Variants in SH3BP4 observed in about 807,000 individuals in gnomAD.
SH3BP4 encodes SH3 domain-binding protein 4.
In SH3BP4, 33 loss-of-function variants were observed where a neutral mutation model predicts 65.5. The observed-to-expected ratio is 0.50, with a 90% CI of 0.38 to 0.67. SH3BP4 has a LOEUF of 0.67. Ranked by LOEUF, SH3BP4 falls within the 30% of genes least tolerant of loss-of-function variation. SH3BP4 has a pLI of 0.00. For missense variants in SH3BP4, 1,134 were observed against 1,261.4 expected (o/e 0.90, Z 1.53); for synonymous variants, 552 against 545.5 (o/e 1.01, Z -0.17).
In SH3BP4 at chr2:235,035,219, A is replaced by G. The variant is rs1390905328; in HGVS notation, c.118+99A>G. The G allele has an allele frequency of 1.2e-6, 1 of 856,448 alleles. No individual in the cohort carries two copies. The highest frequency in any genetic ancestry group is 2.4e-5 in the East Asian group (1 of 41,470). The allele number at this position is 856,448 out of a possible 1,614,324, so 53.1% of individuals were successfully genotyped here. On this transcript the variant is annotated intron_variant, in intron 3 of 5. Coordinates refer to ENST00000392011, the MANE Select transcript of SH3BP4 (RefSeq NM_014521.3). The surrounding 1 kb of genome is among the most constrained non-coding windows in gnomAD (Gnocchi z 5.0). The stretch of plus-strand genomic sequence containing the variant: ...CTGCTTTAAAGATTGCCAGTTTAGC[A>G]TTCAGATAGTTAAAGTTTAGTTCTT...
At chr2:235,037,833 A>C (rs1392797081) in intron 3 of SH3BP4, among the ~76,000 whole-genome samples, 1 of 152,120 alleles carries the variant, frequency 6.6e-6, no homozygotes, top group African/African-American at 2.4e-5. Context: ...CCACCTCTCC[A>C]TGAAAGCCAT....
intron 1 of SH3BP4, among the ~76,000 whole-genome samples, chr2:234,981,949 C>T (rs1353498665): frequency 6.6e-6 from 1 of 152,186 alleles, no homozygotes; most frequent in East Asian, 1.9e-4. Flanking sequence ...CCGTCCCCGC[C>T]TCCTTCCTGG....
In SH3BP4 at chr2:235,035,114, A is replaced by G. The variant is rs201156318; in HGVS notation, c.112A>G (p.Ile38Val). 1 of 1,609,670 alleles carries G rather than the reference A, an allele frequency of 6.2e-7. No homozygotes were observed. Among genetic ancestry groups the G allele is most frequent in the East Asian group, 2.2e-5 (1 of 44,860 alleles). The change falls in exon 3 of 6, where the codon ATC becomes GTC. Residue 38 changes from isoleucine (I) to valine (V), a missense_variant. Transcript: ENST00000392011. This position sits in a 1 kb window ranked among gnomAD's most constrained non-coding sequence, Gnocchi z 5.0. The stretch of plus-strand genomic sequence containing the variant: ...GTTTTCAGAGACGAGCTTTAATGAC[A>G]TCAAAGGTGAGCTTCTGGGGAACAG... ...EGFSETSFND[I>V]KVPSPSALLV...
intron 1 of SH3BP4, among the ~76,000 whole-genome samples, chr2:234,990,642 C>T (rs1014332992): frequency 6.6e-6 from 1 of 152,186 alleles, no homozygotes; most frequent in Admixed American, 6.5e-5. Flanking sequence ...GTGAAGAGTT[C>T]ACGGAGCATT....
At chr2:235,029,026 T>A (rs184190047) in intron 2 of SH3BP4, among the ~76,000 whole-genome samples, 90 of 152,238 alleles carry the variant, frequency 5.9e-4, no homozygotes, top group Non-Finnish European at 1.1e-3. Flanking sequence ...GTCTGGAGGG[T>A]GTCTGACTGA....
chr2:235,039,963 A>G (rs1337905962), intron 3 of SH3BP4, among the ~76,000 whole-genome samples: 1 of 152,242 alleles, frequency 6.6e-6, no homozygotes, highest in South Asian at 2.1e-4. Context: ...GGCCAGGCGC[A>G]GTGGCTCACA....
chr2:235,003,315 TG>T (rs2106285632), intron 2 of SH3BP4, among the ~76,000 whole-genome samples: 1 of 152,314 alleles, frequency 6.6e-6, no homozygotes, highest in South Asian at 2.1e-4. Context: ...CACCAGATTC[TG>T]GGGTGGACTT....
At position 234,989,631 on chromosome 2, in the gene SH3BP4, C is replaced by T. The variant is rs140811921; in HGVS notation, c.-206-5672C>T. Among the ~76,000 whole-genome samples, 365 of 152,300 alleles carry T rather than the reference C, an allele frequency of 2.4e-3. 4 individuals are homozygous for T. The highest frequency in any genetic ancestry group is 3.4e-3 in the Non-Finnish European group (231 of 68,028). On this transcript the variant is annotated intron_variant, in intron 1 of 5. Transcript: ENST00000392011. ...CCATAAGGTCTGTGTCACAGCTCCA[C>T]TGTTTTGGTTGCACAGAAGAGCTAT...
intron 1 of SH3BP4, among the ~76,000 whole-genome samples, chr2:234,969,633 G>A (rs963170812): frequency 1.2e-4 from 18 of 152,180 alleles, no homozygotes; most frequent in African/African-American, 3.9e-4. Context: ...ATAAGCCTCC[G>A]CTTTTCCACA....
At chr2:234,986,171 G>T (rs1305275952) in intron 1 of SH3BP4, among the ~76,000 whole-genome samples, 1 of 150,566 alleles carries the variant, frequency 6.6e-6, no homozygotes, top group Non-Finnish European at 1.5e-5. Context: ...AGAGACCATG[G>T]TGCAGGCGTT....
chr2:235,050,194 C>T (rs1359060396), intron 4 of SH3BP4, among the ~76,000 whole-genome samples: 1 of 152,080 alleles, frequency 6.6e-6, no homozygotes. Context: ...CAGCTCACTA[C>T]AAGCTCCGCC....
Position 235,030,834 on chromosome 2 carries a change from A to G in SH3BP4, c.-132-4037A>G, listed in dbSNP as rs1695161823. 6.6e-6 allele frequency among the ~76,000 whole-genome samples: 1 copy of G among 152,012 alleles called. No individual in the cohort carries two copies. The highest frequency in any genetic ancestry group is 6.6e-5 in the Admixed American group (1 of 15,264). ...CTCGGTGTGACTCCACCTGCTCAGG[A>G]AGGTTTTGGGAGTGGAGAGCCCTCT... On this transcript the variant is annotated intron_variant, in intron 2 of 5. Transcript: ENST00000392011. The surrounding 1 kb of genome is among the most constrained non-coding windows in gnomAD (Gnocchi z 4.1).
intron 1 of SH3BP4, among the ~76,000 whole-genome samples, chr2:234,987,357 A>G (rs748870722): frequency 2.0e-5 from 3 of 151,878 alleles, no homozygotes; most frequent in Admixed American, 6.5e-5. Context: ...CCCTGCCCTC[A>G]ACATGGTCTA....
intron 1 of SH3BP4, among the ~76,000 whole-genome samples, chr2:234,989,645 C>T (rs1288388935): frequency 2.0e-5 from 3 of 152,202 alleles, no homozygotes. Context: ...TTTGGTTGCA[C>T]AGAAGAGCTA....
At chr2:235,028,149 T>C (rs764008229) in intron 2 of SH3BP4, among the ~76,000 whole-genome samples, 2 of 152,208 alleles carry the variant, frequency 1.3e-5, no homozygotes, top group Non-Finnish European at 2.9e-5. Context: ...GAAAAACTTA[T>C]CAGTTATGAG....
At chr2:234,989,453 C>A (rs1693681471) in intron 1 of SH3BP4, among the ~76,000 whole-genome samples, 1 of 152,216 alleles carries the variant, frequency 6.6e-6, no homozygotes, top group Non-Finnish European at 1.5e-5. Flanking sequence ...TGGCATGCAG[C>A]CATGTACCCG....
Position 235,042,299 on chromosome 2 carries a change from A to C in SH3BP4, c.1530A>C (p.Thr510=), listed in dbSNP as rs540022713. 2 of 1,614,176 alleles carry C rather than the reference A, an allele frequency of 1.2e-6. No homozygotes were observed. Among genetic ancestry groups the C allele is most frequent in the South Asian group, 2.2e-5 (2 of 91,084 alleles). ...AGACGCTCCTGGTCAGCGAGGTCAC[A>C]CGCCAGGCACCCAACCCTGCCCCGG... ...APKTLLVSEV[T]RQAPNPAPVA... Residue 510 remains threonine (T), a synonymous_variant, in exon 4 of 6, where the codon ACA becomes ACC. Transcript: ENST00000392011. This position sits in a 1 kb window ranked among gnomAD's most constrained non-coding sequence, Gnocchi z 7.3.
intron 1 of SH3BP4, among the ~76,000 whole-genome samples, chr2:234,968,043 G>A (rs1692884096): frequency 6.6e-6 from 1 of 152,284 alleles, no homozygotes; most frequent in African/African-American, 2.4e-5. Context: ...ACCACACCCA[G>A]GTCCACCTGG....
rs2106244532 is a variant in SH3BP4, at chr2:234,967,448, G to T, written c.-207+15278G>T. ...AACACCAAGAGGGTGTGGAGCTGCG[G>T]TCTCACCACTACACCCTGACACGTG... On this transcript the variant is annotated intron_variant, in intron 1 of 5. Transcript: ENST00000392011. This position sits in a 1 kb window ranked among gnomAD's most constrained non-coding sequence, Gnocchi z 4.6. Among the ~76,000 whole-genome samples, 1 of 152,180 alleles carries T rather than the reference G, an allele frequency of 6.6e-6. No homozygotes were observed. Among genetic ancestry groups the T allele is most frequent in the East Asian group, 1.9e-4 (1 of 5,172 alleles).
Sources: allele counts gnomAD v4.1 joint callset (sites outside exome capture counted in the v4.1 genomes callset), GRCh38; gene constraint gnomAD v4.1.1; non-coding constraint Gnocchi (gnomAD v3.1); transcripts MANE v1.5; gene names NCBI Gene and HGNC (gene_info 2026-07-23, HGNC 2026-07-21).